TMEM132C: variants seen among roughly 807,000 people sequenced by gnomAD.
TMEM132C encodes the protein transmembrane protein 132C.
TMEM132C carries 29 observed loss-of-function variants against 61.4 expected under a neutral mutation model. The observed-to-expected ratio is 0.47, with a 90% CI of 0.35 to 0.64. The LOEUF (loss-of-function observed/expected upper bound fraction) is 0.64. Ranked by LOEUF, TMEM132C falls within the 30% of genes least tolerant of loss-of-function variation. The pLI, the probability that TMEM132C is intolerant of heterozygous loss-of-function variation, is 0.00. For missense variants in TMEM132C, 1,408 were observed against 1,476.9 expected, an observed-to-expected ratio of 0.95 and a Z score of 0.76; for synonymous variants, 656 against 633.1, an observed-to-expected ratio of 1.04 and a Z score of -0.54.
intron 3 of TMEM132C, among the ~76,000 whole-genome samples, chr12:128,613,565 G>A (rs540045276): frequency 2.6e-5 from 4 of 152,262 alleles, no homozygotes; most frequent in African/African-American, 9.6e-5. Context: ...GAGATTTGCA[G>A]CCCCTAGCTT....
chr12:128,645,090 A>G (rs981433157), intron 4 of TMEM132C, among the ~76,000 whole-genome samples: 19 of 152,168 alleles, frequency 1.2e-4, no homozygotes, highest in African/African-American at 4.6e-4. Flanking sequence ...GCCTTCACTG[A>G]AACAGATCAG....
chr12:128,502,737 A>C (rs1872224776), intron 2 of TMEM132C, among the ~76,000 whole-genome samples: 1 of 152,214 alleles, frequency 6.6e-6, no homozygotes, highest in Non-Finnish European at 1.5e-5. Flanking sequence ...GTGTGTCAGG[A>C]ATAACCTTGC....
At chr12:128,281,691 G>A (rs906298442) in intron 1 of TMEM132C, among the ~76,000 whole-genome samples, 3 of 152,180 alleles carry the variant, frequency 2.0e-5, no homozygotes, top group Admixed American at 2.0e-4. Context: ...AGAGATTGGA[G>A]GGCAAGAGAA....
intron 1 of TMEM132C, among the ~76,000 whole-genome samples, chr12:128,400,853 A>G (rs1226522935): frequency 6.6e-6 from 1 of 151,472 alleles, no homozygotes; most frequent in African/African-American, 2.4e-5. Flanking sequence ...CAAGGGATCC[A>G]CCGCCTTAGC....
intron 5 of TMEM132C, among the ~76,000 whole-genome samples, chr12:128,671,949 T>C (rs1338959480): frequency 6.6e-6 from 1 of 152,124 alleles, no homozygotes; most frequent in Non-Finnish European, 1.5e-5. Context: ...TAAATCACAC[T>C]GTCCAATGGA....
intron 1 of TMEM132C, among the ~76,000 whole-genome samples, chr12:128,333,956 G>A (rs1019570691): frequency 1.3e-5 from 2 of 151,710 alleles, no homozygotes; most frequent in Admixed American, 6.6e-5. Context: ...GGTGTTGTGT[G>A]TAAGTGTGAG....
intron 3 of TMEM132C, among the ~76,000 whole-genome samples, chr12:128,579,605 G>A (rs1875254929): frequency 6.6e-6 from 1 of 152,210 alleles, no homozygotes; most frequent in Non-Finnish European, 1.5e-5. Context: ...GAAACTTCTT[G>A]CTTCCCAAAT....
chr12:128,280,938 G>A (rs1870870648), intron 1 of TMEM132C, among the ~76,000 whole-genome samples: 1 of 152,168 alleles, frequency 6.6e-6, no homozygotes, highest in Admixed American at 6.5e-5. Flanking sequence ...GAAGTGGGAT[G>A]CAGAGAAAAA....
At chr12:128,355,496 C>T (rs577059959) in intron 1 of TMEM132C, among the ~76,000 whole-genome samples, 5 of 152,018 alleles carry the variant, frequency 3.3e-5, no homozygotes, top group Non-Finnish European at 7.4e-5. Context: ...CACTGGCTGC[C>T]GTAAACTCTG....
chr12:128,553,329 T>C (rs1874233307), intron 3 of TMEM132C, among the ~76,000 whole-genome samples: 1 of 152,252 alleles, frequency 6.6e-6, no homozygotes, highest in South Asian at 2.1e-4. Flanking sequence ...GCTTATTTTT[T>C]TAATGCCTTT....
chr12:128,449,136 C>CAAAAAAA (rs141298455), intron 2 of TMEM132C, among the ~76,000 whole-genome samples: 3 of 50,716 alleles, frequency 5.9e-5, no homozygotes, highest in Non-Finnish European at 8.7e-5. Context: ...GACTCTGTCT[C>CAAAAAAA]AAAAAAAAAA....
chr12:128,490,052 T>C (rs940264969), intron 2 of TMEM132C, among the ~76,000 whole-genome samples: 2 of 152,172 alleles, frequency 1.3e-5, no homozygotes, highest in African/African-American at 2.4e-5. Context: ...CTTCAAGATA[T>C]AATCCCAACT....
intron 3 of TMEM132C, among the ~76,000 whole-genome samples, chr12:128,560,739 A>G (rs1565974653): frequency 6.6e-6 from 1 of 152,162 alleles, no homozygotes; most frequent in Non-Finnish European, 1.5e-5. Flanking sequence ...CAGGGAAGGG[A>G]TGGAAATATT....
intron 2 of TMEM132C, among the ~76,000 whole-genome samples, chr12:128,435,175 T>C (rs1869538570): frequency 6.6e-6 from 1 of 152,184 alleles, no homozygotes. Context: ...AATACCTTCA[T>C]CTTGGACCTC....
intron 2 of TMEM132C, among the ~76,000 whole-genome samples, chr12:128,511,770 C>G (rs1872573761): frequency 1.3e-5 from 2 of 152,194 alleles, no homozygotes; most frequent in African/African-American, 4.8e-5. Flanking sequence ...GGCCCGCACC[C>G]CACCCCAAGG....
intron 3 of TMEM132C, among the ~76,000 whole-genome samples, chr12:128,605,871 G>A (rs144550348): frequency 6.9e-4 from 105 of 152,348 alleles, no homozygotes; most frequent in African/African-American, 2.2e-3. Context: ...CAGGTCATTT[G>A]TGGGGTCTTT....
chr12:128,332,454 C>G (rs1241570842), intron 1 of TMEM132C, among the ~76,000 whole-genome samples: 1 of 151,464 alleles, frequency 6.6e-6, no homozygotes, highest in South Asian at 2.1e-4. Flanking sequence ...TATTCTCTTT[C>G]TCTCTCTTTC....
At chr12:128,397,766 A>G (rs1000006108) in intron 1 of TMEM132C, among the ~76,000 whole-genome samples, 10 of 152,080 alleles carry the variant, frequency 6.6e-5, no homozygotes, top group Non-Finnish European at 1.0e-4. Context: ...CTAAACAATG[A>G]TTAGGGTGCA....
intron 5 of TMEM132C, among the ~76,000 whole-genome samples, chr12:128,686,001 C>CCATCT (rs1393590009): frequency 6.6e-6 from 1 of 151,586 alleles, no homozygotes; most frequent in Non-Finnish European, 1.5e-5. Context: ...TGATAAAAGT[C>CCATCT]CATCTCTTCC....
Sources: gnomAD v4.1 joint callset for allele counts (sites outside exome capture counted in the v4.1 genomes callset) on GRCh38, gnomAD v4.1.1 for gene constraint, MANE v1.5 for transcripts, NCBI Gene and HGNC (gene_info 2026-07-23, HGNC 2026-07-21) for gene names.